The following GOLM1 variants were observed in gnomAD, a reference collection of about 807,000 sequenced individuals.
The protein encoded by GOLM1 is golgi membrane protein 1, also known as epididymis luminal protein 46.
A neutral mutation model predicts 50.5 loss-of-function variants in GOLM1; 31 were observed. The observed-to-expected ratio is 0.61, with a 90% CI of 0.46 to 0.83. GOLM1 has a LOEUF of 0.83. GOLM1 is among the 40% of genes least tolerant of loss of function. GOLM1 has a pLI of 0.00. For synonymous variants in GOLM1, 178 were observed against 192.8 expected (o/e 0.92, Z 0.64); for missense variants, 491 against 501.3 (o/e 0.98, Z 0.20).
intron 2 of GOLM1, among the ~76,000 whole-genome samples, chr9:86,078,984 CCA>C (rs1834705078): frequency 6.6e-6 from 1 of 152,144 alleles, no homozygotes; most frequent in South Asian, 2.1e-4. Context: ...TCCTACACAA[CCA>C]CAGAGGGGAC....
chr9:86,065,127 A>G (rs1311405809), intron 3 of GOLM1, among the ~76,000 whole-genome samples: 1 of 152,178 alleles, frequency 6.6e-6, no homozygotes, highest in Non-Finnish European at 1.5e-5. Context: ...ACCCCACCTC[A>G]ATGCAGGCCC....
At position 86,057,663 on chromosome 9, in the gene GOLM1, G is replaced by A. The variant is rs147296784; in HGVS notation, c.310-5072C>T. Among the ~76,000 whole-genome samples, 1,001 of 152,308 alleles carry A rather than the reference G, an allele frequency of 6.6e-3. 18 individuals are homozygous for A. Among genetic ancestry groups the A allele is most frequent in the African/African-American group, 0.023 (945 of 41,578 alleles). On this transcript the variant is annotated intron_variant, in intron 3 of 9. Coordinates refer to ENST00000388712, the MANE Select transcript of GOLM1 (RefSeq NM_016548.4). ...CTGCACACCCGTGTTCAGGGCTCCCGGCTGGAAGCGGAGCCATAGGCATGC... is the reference window on the plus strand; with the variant it reads ...CTGCACACCCGTGTTCAGGGCTCCCAGCTGGAAGCGGAGCCATAGGCATGC...
intron 4 of GOLM1, among the ~76,000 whole-genome samples, chr9:86,052,329 T>C (rs1466276332): frequency 6.6e-6 from 1 of 152,208 alleles, no homozygotes; most frequent in Non-Finnish European, 1.5e-5. Context: ...ACCTAACAGC[T>C]TGCAATGTAT....
chr9:86,043,668 G>T (rs1833436036), intron 5 of GOLM1, among the ~76,000 whole-genome samples: 1 of 152,186 alleles, frequency 6.6e-6, no homozygotes, highest in South Asian at 2.1e-4. Flanking sequence ...GGCACAAGTA[G>T]TGAAATAGGC....
chr9:86,033,828 A>G (rs1002582118), intron 8 of GOLM1, among the ~76,000 whole-genome samples: 1 of 152,312 alleles, frequency 6.6e-6, no homozygotes, highest in Non-Finnish European at 1.5e-5. Flanking sequence ...TACTTAGAGC[A>G]TGAGAGCACC....
At chr9:86,094,121 C>T (rs1835276173) in intron 1 of GOLM1, among the ~76,000 whole-genome samples, 1 of 151,938 alleles carries the variant, frequency 6.6e-6, no homozygotes, top group Non-Finnish European at 1.5e-5. Context: ...GTCTCTAAGC[C>T]AGGGGTGAGC....
At chr9:86,086,576 A>T (rs552759073) in intron 1 of GOLM1, among the ~76,000 whole-genome samples, 2 of 152,240 alleles carry the variant, frequency 1.3e-5, no homozygotes, top group African/African-American at 4.8e-5. Flanking sequence ...TAGGGTGTTT[A>T]TGGTTTTAGG....
intron 1 of GOLM1, among the ~76,000 whole-genome samples, chr9:86,088,401 C>T (rs1268703816): frequency 8.8e-5 from 9 of 102,542 alleles, no homozygotes; most frequent in East Asian, 3.0e-4. Context: ...CTCCTGGATT[C>T]GTTGTTTTTT....
chr9:86,043,970 A>C (rs541667436), intron 5 of GOLM1, among the ~76,000 whole-genome samples: 10 of 152,242 alleles, frequency 6.6e-5, no homozygotes, highest in Non-Finnish European at 1.5e-4. Context: ...ATGAATAATA[A>C]GACTGAGGTA....
chr9:86,034,297 AAGC>A (rs1231194818), intron 8 of GOLM1, among the ~76,000 whole-genome samples: 2 of 152,150 alleles, frequency 1.3e-5, no homozygotes, highest in Non-Finnish European at 2.9e-5. Context: ...ACACCTGGAA[AAGC>A]AGCTCTAGTC....
intron 6 of GOLM1, among the ~76,000 whole-genome samples, chr9:86,037,199 G>T (rs935926143): frequency 6.6e-6 from 1 of 152,212 alleles, no homozygotes; most frequent in Non-Finnish European, 1.5e-5. Context: ...CAGATCACCA[G>T]AGGTCAGAAG....
chr9:86,095,173 A>T (rs567321847), intron 1 of GOLM1, among the ~76,000 whole-genome samples: 22 of 152,156 alleles, frequency 1.4e-4, no homozygotes, highest in Non-Finnish European at 2.4e-4. Context: ...CAAGGGCCCA[A>T]TCCTGCCAGC....
chr9:86,097,454 TA>T (rs1383221647), intron 1 of GOLM1, among the ~76,000 whole-genome samples: 1 of 152,210 alleles, frequency 6.6e-6, no homozygotes, highest in Non-Finnish European at 1.5e-5. Context: ...TAGGGCAACT[TA>T]TTTTTTTTTT....
chr9:86,072,082 T>C (rs1834464640), intron 3 of GOLM1, among the ~76,000 whole-genome samples: 1 of 152,194 alleles, frequency 6.6e-6, no homozygotes. Context: ...ACCAAACATA[T>C]ACATTAAAAC....
In GOLM1 at chr9:86,053,073, CTCT is replaced by C. The variant is rs199948128; in HGVS notation, c.310-485_310-483del. On this transcript the variant is annotated intron_variant, in intron 3 of 9. Coordinates refer to ENST00000388712, the MANE Select transcript of GOLM1 (RefSeq NM_016548.4). ...CACCACCAGACCACACCACACACCACTCTACACGACACTACACCATGCCACAAC... is the reference window on the plus strand; with the variant it reads ...CACCACCAGACCACACCACACACCACACACGACACTACACCATGCCACAAC... Among the ~76,000 whole-genome samples, 92 of 142,590 alleles carry C rather than the reference CTCT, an allele frequency of 6.5e-4. 1 individual carries two copies. The East Asian group carries it at 0.015, about 23-fold the overall frequency. The allele number at this position is 142,590 out of a possible 152,430, so 93.5% of individuals were successfully genotyped here. A position where few individuals can be genotyped will look rare whatever the true frequency, so the allele number is the denominator to read the frequency against.
intron 9 of GOLM1, among the ~76,000 whole-genome samples, chr9:86,031,950 A>AC (rs1833000068): frequency 6.7e-6 from 1 of 149,708 alleles, no homozygotes; most frequent in Non-Finnish European, 1.5e-5. Flanking sequence ...AAAAAAAAAA[A>AC]GACGCCAGAC....
intron 6 of GOLM1, chr9:86,036,918 G>C (rs754731504): frequency 5.9e-6 from 1 of 170,902 alleles, no homozygotes; most frequent in Non-Finnish European, 1.2e-5. Flanking sequence ...ATATTTTCCA[G>C]GATGGACAAA....
intron 5 of GOLM1, among the ~76,000 whole-genome samples, chr9:86,045,099 G>A (rs575308008): frequency 4.0e-5 from 6 of 151,884 alleles, no homozygotes; most frequent in Admixed American, 6.6e-5. Flanking sequence ...GGCTGGGTGC[G>A]GTGACTCATG....
chr9:86,097,751 G>C (rs1835395003), intron 1 of GOLM1, among the ~76,000 whole-genome samples: 1 of 152,134 alleles, frequency 6.6e-6, no homozygotes, highest in African/African-American at 2.4e-5. Context: ...CAGAAAGCCA[G>C]CTCGCACTTT....
Sources: gnomAD v4.1 joint callset for allele counts (sites outside exome capture counted in the v4.1 genomes callset) on GRCh38, gnomAD v4.1.1 for gene constraint, MANE v1.5 for transcripts, NCBI Gene and HGNC (gene_info 2026-07-23, HGNC 2026-07-21) for gene names.